Variants in FBXL7 observed in about 807,000 individuals in gnomAD.
FBXL7 encodes the protein F-box and leucine rich repeat protein 7, also known as F-box/LRR-repeat protein 7.
Under a neutral mutation model 38.3 loss-of-function variants are expected in FBXL7, and 12 were observed. The ratio of observed to expected loss-of-function variants is 0.31; its 90% confidence interval spans 0.20 to 0.51. The LOEUF is 0.51. FBXL7 is among the 20% of genes least tolerant of loss of function. The pLI is 0.98. For missense variants in FBXL7, 567 were observed against 676.4 expected (o/e 0.84, Z 1.79); for synonymous variants, 297 against 300.9 (o/e 0.99, Z 0.13).
intron 2 of FBXL7, among the ~76,000 whole-genome samples, chr5:15,712,680 T>TAAA (rs199771551): frequency 9.5e-5 from 14 of 147,078 alleles, no homozygotes; most frequent in African/African-American, 3.0e-4. Flanking sequence ...CAATAAAATT[T>TAAA]AAAAAAAAAA....
intron 2 of FBXL7, among the ~76,000 whole-genome samples, chr5:15,711,671 G>A (rs1296510589): frequency 6.6e-6 from 1 of 152,128 alleles, no homozygotes; most frequent in East Asian, 1.9e-4. Flanking sequence ...TACAATGGGG[G>A]TTTGGGACAT....
chr5:15,546,652 A>G (rs761004956), intron 1 of FBXL7, among the ~76,000 whole-genome samples: 48 of 152,242 alleles, frequency 3.2e-4, no homozygotes, highest in Middle Eastern at 3.4e-3. Context: ...AATCACTTGA[A>G]CCTATGAGGT....
chr5:15,752,604 A>G (rs991653524), intron 2 of FBXL7, among the ~76,000 whole-genome samples: 6 of 152,234 alleles, frequency 3.9e-5, no homozygotes, highest in African/African-American at 1.4e-4. Flanking sequence ...TTTCAAAAGC[A>G]TTAAGAGTTG....
chr5:15,859,702 A>G (rs370163315), intron 2 of FBXL7, among the ~76,000 whole-genome samples: 6 of 152,224 alleles, frequency 3.9e-5, no homozygotes, highest in East Asian at 1.9e-4. Flanking sequence ...CCATTATTCA[A>G]TTACCTCCCA....
intron 2 of FBXL7, among the ~76,000 whole-genome samples, chr5:15,859,056 C>T (rs1254283499): frequency 2.0e-5 from 3 of 152,150 alleles, no homozygotes; most frequent in Non-Finnish European, 2.9e-5. Context: ...CCAATACTTA[C>T]GATCAAGTGC....
In FBXL7 at chr5:15,878,209, C is replaced by T. The variant is rs181873721; in HGVS notation, c.128-49681C>T. ...TGAACAAAGAACACTGCAGAAGTTGCGGGGAGTCAGGGATTATAGAGGACT... is the reference window on the plus strand; with the variant it reads ...TGAACAAAGAACACTGCAGAAGTTGTGGGGAGTCAGGGATTATAGAGGACT... On this transcript the variant is annotated intron_variant, in intron 2 of 3. Coordinates refer to ENST00000504595, the MANE Select transcript of FBXL7 (RefSeq NM_012304.5). Among the ~76,000 whole-genome samples the T allele has an allele frequency of 3.6e-3, 552 of 152,232 alleles. 4 individuals are homozygous for T. Among genetic ancestry groups the T allele is most frequent in the Non-Finnish European group, 5.7e-3 (389 of 68,024 alleles).
At chr5:15,602,091 G>A (rs1274983293) in intron 1 of FBXL7, 2 of 152,180 alleles carry the variant, frequency 1.3e-5, no homozygotes, top group African/African-American at 4.8e-5. Context: ...GCAACTACGA[G>A]AAGTGAGGAC....
intron 2 of FBXL7, among the ~76,000 whole-genome samples, chr5:15,727,507 T>C (rs1210910194): frequency 1.3e-5 from 2 of 152,166 alleles, no homozygotes; most frequent in African/African-American, 4.8e-5. Flanking sequence ...TTTTTTTGTT[T>C]TGTTTTTTAG....
At chr5:15,826,473 C>A (rs1353664472) in intron 2 of FBXL7, among the ~76,000 whole-genome samples, 1 of 152,154 alleles carries the variant, frequency 6.6e-6, no homozygotes, top group Non-Finnish European at 1.5e-5. Context: ...GGCTGGAGTG[C>A]AGTGTCGTGA....
intron 2 of FBXL7, among the ~76,000 whole-genome samples, chr5:15,684,418 G>A (rs1267023660): frequency 3.9e-5 from 6 of 152,214 alleles, no homozygotes; most frequent in South Asian, 4.1e-4. Flanking sequence ...GAGTATTGCA[G>A]GCAGACAGCA....
chr5:15,884,535 T>C (rs927609084), intron 2 of FBXL7, among the ~76,000 whole-genome samples: 24 of 152,308 alleles, frequency 1.6e-4, no homozygotes, highest in African/African-American at 5.3e-4. Flanking sequence ...CTTAGAGGCC[T>C]CATCTTTAAA....
chr5:15,693,330 T>C (rs1007897826), intron 2 of FBXL7, among the ~76,000 whole-genome samples: 1 of 152,172 alleles, frequency 6.6e-6, no homozygotes, highest in Non-Finnish European at 1.5e-5. Flanking sequence ...CCCCTTCTCT[T>C]ATTCCCACAG....
intron 2 of FBXL7, among the ~76,000 whole-genome samples, chr5:15,890,889 G>A (rs913542723): frequency 6.6e-6 from 1 of 152,086 alleles, no homozygotes; most frequent in African/African-American, 2.4e-5. Context: ...GATCATAAAT[G>A]TGGTGATATT....
chr5:15,590,335 C>T (rs748954645), intron 1 of FBXL7, among the ~76,000 whole-genome samples: 25 of 152,080 alleles, frequency 1.6e-4, no homozygotes, highest in Admixed American at 6.6e-4. Flanking sequence ...TAACCAGACT[C>T]GCTGCCTCTA....
intron 2 of FBXL7, among the ~76,000 whole-genome samples, chr5:15,689,102 C>A (rs1743101718): frequency 6.6e-6 from 1 of 152,182 alleles, no homozygotes; most frequent in Non-Finnish European, 1.5e-5. Context: ...CTAGCGGGAA[C>A]TCCAACGGTG....
At chr5:15,731,220 T>C (rs1735574964) in intron 2 of FBXL7, among the ~76,000 whole-genome samples, 1 of 152,180 alleles carries the variant, frequency 6.6e-6, no homozygotes, top group Non-Finnish European at 1.5e-5. Flanking sequence ...GATAAAGACA[T>C]ACCCAAGACT....
chr5:15,810,629 A>AG (rs1338088912), intron 2 of FBXL7, among the ~76,000 whole-genome samples: 1 of 151,928 alleles, frequency 6.6e-6, no homozygotes, highest in Non-Finnish European at 1.5e-5. Context: ...CCACAATTGC[A>AG]AATTTTTTAT....
intron 1 of FBXL7, among the ~76,000 whole-genome samples, chr5:15,541,575 C>G (rs111296874): frequency 0.01 from 1,364 of 130,854 alleles, 27 homozygotes; most frequent in African/African-American, 0.036. Context: ...GACAGAATCT[C>G]ACTCCGTTTT....
At chr5:15,749,988 C>T (rs1005844383) in intron 2 of FBXL7, among the ~76,000 whole-genome samples, 1 of 152,204 alleles carries the variant, frequency 6.6e-6, no homozygotes, top group Non-Finnish European at 1.5e-5. Flanking sequence ...CCCTCTGGGC[C>T]AGGCATTTTT....
Sources: gnomAD v4.1 joint callset for allele counts (sites outside exome capture counted in the v4.1 genomes callset) on GRCh38, gnomAD v4.1.1 for gene constraint, MANE v1.5 for transcripts, NCBI Gene and HGNC (gene_info 2026-07-23, HGNC 2026-07-21) for gene names.